The following MARCHF1 variants were observed in gnomAD, a reference collection of about 807,000 sequenced individuals.
The protein encoded by MARCHF1 is membrane associated ring-CH-type finger 1.
Under a neutral mutation model 54.2 loss-of-function variants are expected in MARCHF1, and 40 were observed. That is an observed-to-expected ratio of 0.74 (90% confidence interval 0.57 to 0.96). MARCHF1 has a LOEUF of 0.96. Among genes scored for constraint, MARCHF1 ranks in the 40% least tolerant of loss-of-function variants. The pLI, the probability that MARCHF1 is intolerant of heterozygous loss-of-function variation, is 0.00. For synonymous variants in MARCHF1, 236 were observed against 236.3 expected (o/e 1.00, Z 0.01); for missense variants, 586 against 656.5 (o/e 0.89, Z 1.17).
intron 2 of MARCHF1, among the ~76,000 whole-genome samples, chr4:164,038,042 T>C (rs1458521984): frequency 1.3e-5 from 2 of 152,126 alleles, no homozygotes; most frequent in African/African-American, 4.8e-5. Flanking sequence ...TTGTTGTGAT[T>C]AAAATGTTCT....
intron 3 of MARCHF1, among the ~76,000 whole-genome samples, chr4:163,899,016 T>G (rs931541080): frequency 6.6e-6 from 1 of 152,114 alleles, no homozygotes; most frequent in African/African-American, 2.4e-5. Context: ...ATGGAAATAA[T>G]AGACACTAGG....
chr4:164,273,590 G>A (rs575500910), intron 1 of MARCHF1, among the ~76,000 whole-genome samples: 19 of 152,318 alleles, frequency 1.2e-4, no homozygotes, highest in Admixed American at 8.5e-4. Flanking sequence ...AAATTCAGTT[G>A]TTTAGTTACA....
chr4:164,284,449 G>A (rs1263149341), intron 1 of MARCHF1, among the ~76,000 whole-genome samples: 1 of 150,818 alleles, frequency 6.6e-6, no homozygotes, highest in Non-Finnish European at 1.5e-5. Flanking sequence ...GTGCACATAT[G>A]CCTTTATAAC....
chr4:163,641,173 A>C (rs950137190), intron 5 of MARCHF1, among the ~76,000 whole-genome samples: 1 of 152,144 alleles, frequency 6.6e-6, no homozygotes, highest in African/African-American at 2.4e-5. Flanking sequence ...CTAATTTCTA[A>C]ATAGTGTCTG....
intron 3 of MARCHF1, among the ~76,000 whole-genome samples, chr4:163,984,706 C>T (rs1752827555): frequency 1.3e-5 from 2 of 152,160 alleles, no homozygotes; most frequent in South Asian, 2.1e-4. Flanking sequence ...ATAAAATTCA[C>T]TGCCCTTGTA....
intron 4 of MARCHF1, among the ~76,000 whole-genome samples, chr4:163,809,032 T>C (rs1332002862): frequency 6.6e-6 from 1 of 152,134 alleles, no homozygotes; most frequent in East Asian, 1.9e-4. Flanking sequence ...CCTCTCTTCC[T>C]CCTTTTGCCT....
At chr4:164,243,904 C>T (rs1374466456) in intron 1 of MARCHF1, among the ~76,000 whole-genome samples, 3 of 151,974 alleles carry the variant, frequency 2.0e-5, no homozygotes, top group Non-Finnish European at 4.4e-5. Flanking sequence ...ACAAGAAGAG[C>T]TAACTATCCT....
chr4:163,732,450 AGAG>A (rs1745871960), intron 4 of MARCHF1, among the ~76,000 whole-genome samples: 2 of 152,150 alleles, frequency 1.3e-5, no homozygotes, highest in South Asian at 2.1e-4. Flanking sequence ...TGAAGAAAAG[AGAG>A]GAGGTAAAGA....
intron 4 of MARCHF1, among the ~76,000 whole-genome samples, chr4:163,732,879 C>A (rs972978438): frequency 6.6e-6 from 1 of 151,916 alleles, no homozygotes. Flanking sequence ...AAGCCGGATG[C>A]GGTGGCTCCC....
intron 1 of MARCHF1, among the ~76,000 whole-genome samples, chr4:164,254,944 A>G (rs1188999343): frequency 6.6e-6 from 1 of 152,158 alleles, no homozygotes; most frequent in East Asian, 1.9e-4. Flanking sequence ...TCAAGTTGAC[A>G]GTATTAACCA....
intron 1 of MARCHF1, among the ~76,000 whole-genome samples, chr4:164,356,379 A>G (rs1730537591): frequency 1.4e-5 from 2 of 141,684 alleles, no homozygotes; most frequent in South Asian, 4.5e-4. Context: ...ATGTCCAACA[A>G]TGATAGACTG....
At chr4:163,585,030 T>G (rs1450679667) in intron 8 of MARCHF1, 1 of 152,156 alleles carries the variant, frequency 6.6e-6, no homozygotes, top group Non-Finnish European at 1.5e-5. Flanking sequence ...TTTGTATTGT[T>G]TACAAGCTGT....
chr4:163,798,635 T>C (rs1747989925), intron 4 of MARCHF1, among the ~76,000 whole-genome samples: 1 of 152,006 alleles, frequency 6.6e-6, no homozygotes, highest in South Asian at 2.1e-4. Flanking sequence ...AATTGTTGAG[T>C]AGCCCTTCCT....
intron 1 of MARCHF1, among the ~76,000 whole-genome samples, chr4:164,116,691 C>T (rs553844112): frequency 6.6e-6 from 1 of 152,088 alleles, no homozygotes; most frequent in South Asian, 2.1e-4. Flanking sequence ...TCATCCTGAA[C>T]ACCATACATA....
chr4:163,887,807 G>A (rs1419861261), intron 3 of MARCHF1, among the ~76,000 whole-genome samples: 1 of 152,048 alleles, frequency 6.6e-6, no homozygotes, highest in Non-Finnish European at 1.5e-5. Flanking sequence ...TCTTTAGTGA[G>A]ACTCCAAATT....
intron 1 of MARCHF1, among the ~76,000 whole-genome samples, chr4:164,190,995 G>T (rs533798028): frequency 3.9e-5 from 6 of 152,168 alleles, no homozygotes; most frequent in African/African-American, 1.4e-4. Flanking sequence ...GCAAACACTC[G>T]GGAAATTATC....
At chr4:163,529,096 T>C (rs1273003353) in intron 9 of MARCHF1, 50 bp from the exon 10 acceptor site, 1 of 1,458,640 alleles carries the variant, frequency 6.9e-7, no homozygotes, top group East Asian at 2.4e-5. Context: ...CCTCAGTGGA[T>C]TTGGTCATTT....
intron 2 of MARCHF1, among the ~76,000 whole-genome samples, chr4:164,082,627 C>G (rs1042486615): frequency 6.6e-6 from 1 of 152,068 alleles, no homozygotes; most frequent in African/African-American, 2.4e-5. Flanking sequence ...TGAGGCCTCT[C>G]CACAAAAGAC....
chr4:163,838,405 C>A (rs1381377441), intron 4 of MARCHF1, among the ~76,000 whole-genome samples: 2 of 151,916 alleles, frequency 1.3e-5, no homozygotes, highest in East Asian at 1.9e-4. Flanking sequence ...AGTATAGACA[C>A]AATTTTTTTC....
Sources: allele counts gnomAD v4.1 joint callset (sites outside exome capture counted in the v4.1 genomes callset), GRCh38; gene constraint gnomAD v4.1.1; transcripts MANE v1.5; gene names NCBI Gene and HGNC (gene_info 2026-07-23, HGNC 2026-07-21).